Variants in GSE1 observed in about 807,000 individuals in gnomAD.
The protein encoded by GSE1 is Gse1 coiled-coil protein.
A neutral mutation model predicts 112.6 loss-of-function variants in GSE1; 32 were observed. The observed-to-expected ratio is 0.28, with a 90% confidence interval of 0.21 to 0.38. GSE1 has a LOEUF of 0.38. Ranked by LOEUF, GSE1 falls within the 10% of genes least tolerant of loss-of-function variation. GSE1 has a pLI of 1.00. For synonymous variants in GSE1, 1,115 were observed against 735.6 expected (o/e 1.52, Z -8.35); for missense variants, 2,348 against 1,699.2 (o/e 1.38, Z -6.71).
intron 2 of GSE1, chr16:85,490,477 C>T (rs1187615444): frequency 6.6e-6 from 1 of 152,272 alleles, no homozygotes; most frequent in African/African-American, 2.4e-5. Flanking sequence ...CTCCCAGGCC[C>T]AGGGCATCGT....
intron 1 of GSE1, among the ~76,000 whole-genome samples, chr16:85,585,388 G>A (rs1207028220): frequency 1.3e-5 from 2 of 152,352 alleles, no homozygotes; most frequent in East Asian, 3.9e-4. Context: ...AGCCGAGAGG[G>A]CATTTTCAGG....
chr16:85,412,630 GCCCCCC>G (rs1208198001), intron 2 of GSE1, among the ~76,000 whole-genome samples: 2 of 6,454 alleles, frequency 3.1e-4, no homozygotes, highest in East Asian at 0.03. Flanking sequence ...TTACACTCAG[GCCCCCC>G]GGATAATCCT....
In GSE1 at chr16:85,210,343, G is replaced by C. The variant is rs77054635; in HGVS notation, c.2283+38536G>C. On this transcript the variant is annotated intron_variant, in intron 1 of 2. Transcript: ENST00000637419. ...ACAGTAAGGTGTGATTGACAAAACT[G>C]CTGTGTTCCCAGCACTTCAGGAGGC... 6.2e-3 allele frequency among the ~76,000 whole-genome samples: 941 copies of C among 152,312 alleles called. 17 individuals are homozygous for C. Among genetic ancestry groups the C allele is most frequent in the African/African-American group, 0.022 (903 of 41,562 alleles).
At chr16:85,394,635 C>T (rs1263654189) in intron 2 of GSE1, among the ~76,000 whole-genome samples, 4 of 152,214 alleles carry the variant, frequency 2.6e-5, no homozygotes, top group Non-Finnish European at 4.4e-5. Flanking sequence ...ATTGCAGGCC[C>T]TGCCAGGAGC....
intron 2 of GSE1, among the ~76,000 whole-genome samples, chr16:85,384,174 T>C (rs1446314956): frequency 6.6e-6 from 1 of 152,208 alleles, no homozygotes. Flanking sequence ...GGAGGTGCTA[T>C]TGTGAACACG....
At chr16:85,521,059 C>G (rs1481809248) in intron 2 of GSE1, among the ~76,000 whole-genome samples, 1 of 152,094 alleles carries the variant, frequency 6.6e-6, no homozygotes, top group African/African-American at 2.4e-5. Flanking sequence ...TGTCTGGGTT[C>G]TTCGTGAAGA....
At chr16:85,590,840 C>A (rs951576305) in intron 1 of GSE1, among the ~76,000 whole-genome samples, 26 of 152,208 alleles carry the variant, frequency 1.7e-4, no homozygotes, top group African/African-American at 6.0e-4. Context: ...TGGGACCCCT[C>A]TTTTCCGTCC....
At chr16:85,586,617 C>T (rs2046708297) in intron 1 of GSE1, among the ~76,000 whole-genome samples, 1 of 152,228 alleles carries the variant, frequency 6.6e-6, no homozygotes, top group South Asian at 2.1e-4. Flanking sequence ...ACAACGTGCT[C>T]ACGGGCCCGA....
At chr16:85,229,434 TC>T (rs1028737463) in intron 1 of GSE1, among the ~76,000 whole-genome samples, 4 of 152,252 alleles carry the variant, frequency 2.6e-5, no homozygotes, top group African/African-American at 9.6e-5. Context: ...ACCTGGTCCG[TC>T]CTCTCACTCC....
chr16:85,637,362 C>T (rs1010174469), intron 2 of GSE1, among the ~76,000 whole-genome samples: 6 of 152,190 alleles, frequency 3.9e-5, no homozygotes, highest in South Asian at 4.1e-4. Flanking sequence ...CGACCCGGGT[C>T]GGGGGAGCTG....
intron 1 of GSE1, among the ~76,000 whole-genome samples, chr16:85,318,900 A>T (rs1364228514): frequency 6.6e-6 from 1 of 152,200 alleles, no homozygotes; most frequent in Non-Finnish European, 1.5e-5. Context: ...TTGGTAAATG[A>T]CCTGGGTCCC....
chr16:85,494,745 T>C (rs1024297879), intron 2 of GSE1, among the ~76,000 whole-genome samples: 1 of 152,122 alleles, frequency 6.6e-6, no homozygotes, highest in Non-Finnish European at 1.5e-5. Flanking sequence ...GGATATAAAT[T>C]TGGGGGGAAC....
At chr16:85,225,127 A>G (rs1306080166) in intron 1 of GSE1, among the ~76,000 whole-genome samples, 1 of 152,194 alleles carries the variant, frequency 6.6e-6, no homozygotes, top group African/African-American at 2.4e-5. Flanking sequence ...CCCTCTTAAA[A>G]AAAAAAAAGA....
At position 85,225,542 on chromosome 16, in the gene GSE1, G is replaced by A. The variant is rs564295207; in HGVS notation, c.2283+53735G>A. Among the ~76,000 whole-genome samples, 9 of 152,306 alleles carry A rather than the reference G, an allele frequency of 5.9e-5. No individual in the cohort carries two copies. The South Asian group carries it at 6.2e-4, about 11-fold the overall frequency. ...TCCCCAGGGAGGTGCAGCCTGATCC[G>A]CATGAACCCTGTCCCTCCGCTGCCG... On this transcript the variant is annotated intron_variant, in intron 1 of 2. Coordinates refer to the GSE1 transcript ENST00000637419.
intron 3 of GSE1, 131 bp from the exon 4 acceptor site, chr16:85,654,147 C>T (rs1446658243): frequency 1.2e-6 from 1 of 830,064 alleles, no homozygotes; most frequent in South Asian, 1.8e-5. Context: ...CGTAGAAAGC[C>T]TTAGGGAAAG....
At chr16:85,585,241 C>T (rs553754674) in intron 1 of GSE1, among the ~76,000 whole-genome samples, 22 of 152,324 alleles carry the variant, frequency 1.4e-4, no homozygotes, top group Admixed American at 4.6e-4. Flanking sequence ...TGTGTGTCAC[C>T]GGCGTCCTGG....
rs553310833 is a variant in GSE1 at position 85,446,712 on chromosome 16, C to T, written c.2464+89069C>T. Among the ~76,000 whole-genome samples, 31 of 152,266 alleles carry T rather than the reference C, an allele frequency of 2.0e-4. 1 individual carries two copies. The highest frequency in any genetic ancestry group is 7.2e-4 in the African/African-American group (30 of 41,552). ...TGTGTTGGAGCTCAGCCCTGGGGAACGGAGGAACAAGGGAAGAGCGGGCAT... is the reference window on the plus strand; with the variant it reads ...TGTGTTGGAGCTCAGCCCTGGGGAATGGAGGAACAAGGGAAGAGCGGGCAT... On this transcript the variant is annotated intron_variant, in intron 2 of 2. Transcript: ENST00000637419.
At chr16:85,646,566 G>C (rs2050885828) in intron 2 of GSE1, among the ~76,000 whole-genome samples, 1 of 152,222 alleles carries the variant, frequency 6.6e-6, no homozygotes, top group Non-Finnish European at 1.5e-5. Flanking sequence ...ACACCAGTTG[G>C]GTGCTGTGTG....
chr16:85,531,571 C>A (rs1238220204), intron 2 of GSE1, among the ~76,000 whole-genome samples: 1 of 152,068 alleles, frequency 6.6e-6, no homozygotes, highest in Non-Finnish European at 1.5e-5. Context: ...CCCGCTGGCA[C>A]CTTACACAGA....
Sources: allele counts gnomAD v4.1 joint callset (sites outside exome capture counted in the v4.1 genomes callset), GRCh38; gene constraint gnomAD v4.1.1; transcripts MANE v1.5; gene names NCBI Gene and HGNC (gene_info 2026-07-23, HGNC 2026-07-21).